The following RANBP2 variants were observed in gnomAD, a reference collection of about 807,000 sequenced individuals.
RANBP2 encodes E3 SUMO-protein ligase RanBP2.
A neutral mutation model predicts 303.6 loss-of-function variants in RANBP2; 57 were observed. The ratio of observed to expected loss-of-function variants is 0.19; its 90% CI spans 0.15 to 0.23. RANBP2 has a LOEUF of 0.23. Ranked by LOEUF, RANBP2 falls within the 10% of genes least tolerant of loss-of-function variation. RANBP2 has a pLI of 1.00. For synonymous variants in RANBP2, 1,167 were observed against 1,301.5 expected (o/e 0.90, Z 2.23); for missense variants, 3,138 against 3,780.8 (o/e 0.83, Z 4.46).
the RANBP2 span, among the ~76,000 whole-genome samples, chr2:109,533,448 G>C: frequency 6.6e-6 from 1 of 152,208 alleles, no homozygotes; most frequent in South Asian, 2.1e-4. Context: ...AAGAACACAA[G>C]AACATCTATC....
chr2:109,333,607 T>C, the RANBP2 span, among the ~76,000 whole-genome samples: 2 of 152,204 alleles, frequency 1.3e-5, no homozygotes, highest in Non-Finnish European at 2.9e-5. Flanking sequence ...CAGAGTTGAA[T>C]AGTTACAGCT....
chr2:109,599,529 G>C, the RANBP2 span, among the ~76,000 whole-genome samples: 1 of 151,974 alleles, frequency 6.6e-6, no homozygotes, highest in Non-Finnish European at 1.5e-5. Context: ...CAGCAAGTTG[G>C]CCTCCAGTGT....
At chr2:109,012,111 G>A in the RANBP2 span, among the ~76,000 whole-genome samples, 1 of 152,110 alleles carries the variant, frequency 6.6e-6, no homozygotes, top group Admixed American at 6.5e-5. Context: ...ATTTAAGAGC[G>A]GAAGATTAAA....
chr2:109,642,655 A>G, the RANBP2 span, among the ~76,000 whole-genome samples: 1 of 127,508 alleles, frequency 7.8e-6, no homozygotes, highest in South Asian at 2.7e-4. Flanking sequence ...TCCATCTCAA[A>G]TAAAAAAAAA....
Position 108,783,941 on chromosome 2 carries a change from G to C in RANBP2, c.*40G>C. 1 of 1,543,928 alleles carries C rather than the reference G, an allele frequency of 6.5e-7. No individual in the cohort carries two copies. Among genetic ancestry groups the C allele is most frequent in the Non-Finnish European group, 8.9e-7 (1 of 1,120,058 alleles). On this transcript the variant is annotated 3_prime_UTR_variant, in exon 29 of 29. Coordinates refer to ENST00000283195, the MANE Select transcript of RANBP2 (RefSeq NM_006267.5). ...ATAGAAAATTTCATCTGTATAAGCA[G>C]TTGGATTGAAGCTTAGCTATTACAA...
the RANBP2 span, among the ~76,000 whole-genome samples, chr2:109,740,134 G>T: frequency 6.7e-6 from 1 of 149,262 alleles, no homozygotes; most frequent in Non-Finnish European, 1.5e-5. Context: ...GACTACAGGC[G>T]CAGGCCACCA....
the RANBP2 span, among the ~76,000 whole-genome samples, chr2:109,439,242 T>A: frequency 1.3e-5 from 2 of 152,156 alleles, no homozygotes; most frequent in African/African-American, 2.4e-5. Flanking sequence ...ATCAGTTTAA[T>A]GTTACACACG....
the RANBP2 span, among the ~76,000 whole-genome samples, chr2:108,802,102 G>A: frequency 6.9e-6 from 1 of 144,844 alleles, no homozygotes; most frequent in Admixed American, 7.1e-5. Context: ...GGATTGACTT[G>A]GCGATGCGGG....
chr2:109,565,635 T>C, the RANBP2 span: 4 of 813,630 alleles, frequency 4.9e-6, no homozygotes, highest in Non-Finnish European at 8.3e-6. Context: ...TTGGCTAAAA[T>C]AGTACACAGC....
chr2:109,726,099 T>TGTGTGTGTGTG, the RANBP2 span, among the ~76,000 whole-genome samples: 1 of 66,074 alleles, frequency 1.5e-5, no homozygotes, highest in Non-Finnish European at 3.6e-5. Flanking sequence ...GTGTGTGTGT[T>TGTGTGTGTGTG]TGTGTTTTCC....
At chr2:109,384,525 G>T in the RANBP2 span, among the ~76,000 whole-genome samples, 1 of 151,984 alleles carries the variant, frequency 6.6e-6, no homozygotes, top group Non-Finnish European at 1.5e-5. Flanking sequence ...AGGGGCAGTG[G>T]GAAAAGGGCT....
the RANBP2 span, among the ~76,000 whole-genome samples, chr2:109,148,393 G>A: frequency 6.6e-6 from 1 of 152,218 alleles, no homozygotes; most frequent in African/African-American, 2.4e-5. Flanking sequence ...GCCATCATAG[G>A]GAGGGCTTCT....
the RANBP2 span, among the ~76,000 whole-genome samples, chr2:109,380,985 T>A: frequency 6.6e-6 from 1 of 152,208 alleles, no homozygotes; most frequent in Non-Finnish European, 1.5e-5. Flanking sequence ...TTGCCGACTG[T>A]TTTGGTAACT....
At chr2:109,652,719 C>A in the RANBP2 span, among the ~76,000 whole-genome samples, 1 of 152,190 alleles carries the variant, frequency 6.6e-6, no homozygotes, top group African/African-American at 2.4e-5. Flanking sequence ...AGACTTCAGT[C>A]TCTACCAGAG....
At chr2:109,574,158 G>A in the RANBP2 span, among the ~76,000 whole-genome samples, 5 of 151,734 alleles carry the variant, frequency 3.3e-5, no homozygotes, top group Non-Finnish European at 5.9e-5. Flanking sequence ...ATTTCCAGGC[G>A]CTGGGCATGG....
At position 108,784,844 on chromosome 2, in the gene RANBP2, A is replaced by G. The variant is rs1678499082; in HGVS notation, c.*943A>G. On this transcript the variant is annotated 3_prime_UTR_variant, in exon 29 of 29. Coordinates refer to ENST00000283195, the MANE Select transcript of RANBP2 (RefSeq NM_006267.5). ...TTACGCTTCGGGTTCATTCTAAAGTAAGGAAGACAATTTAAAGGCAGTAAA... is the reference window on the plus strand; with the variant it reads ...TTACGCTTCGGGTTCATTCTAAAGTGAGGAAGACAATTTAAAGGCAGTAAA... 1 of 152,632 alleles carries G rather than the reference A, an allele frequency of 6.6e-6. No individual in the cohort carries two copies. Among genetic ancestry groups the G allele is most frequent in the South Asian group, 2.1e-4 (1 of 4,832 alleles). The allele number at this position is 152,632 out of a possible 1,614,324, so 9.5% of individuals were successfully genotyped here.
chr2:109,562,377 TC>T, the RANBP2 span, among the ~76,000 whole-genome samples: 2 of 144,034 alleles, frequency 1.4e-5, no homozygotes, highest in South Asian at 4.6e-4. Context: ...CCTGCCCCCC[TC>T]CCCCAACTCT....
At chr2:109,674,390 A>G in the RANBP2 span, among the ~76,000 whole-genome samples, 3 of 124,328 alleles carry the variant, frequency 2.4e-5, no homozygotes, top group Non-Finnish European at 4.8e-5. Flanking sequence ...CCCGGGAAAC[A>G]TGGCAAGACC....
chr2:108,804,355 T>G, the RANBP2 span, among the ~76,000 whole-genome samples: 1 of 152,194 alleles, frequency 6.6e-6, no homozygotes, highest in Non-Finnish European at 1.5e-5. Context: ...TCAAATAGTT[T>G]GGGGCTAAGA....
Sources: allele counts gnomAD v4.1 joint callset (sites outside exome capture counted in the v4.1 genomes callset), GRCh38; gene constraint gnomAD v4.1.1; transcripts MANE v1.5; gene names NCBI Gene and HGNC (gene_info 2026-07-23, HGNC 2026-07-21).